HORMAD2: variants seen among roughly 807,000 people sequenced by gnomAD.
The protein encoded by HORMAD2 is HORMA domain-containing protein 2.
In HORMAD2, 45 loss-of-function variants were observed where a neutral mutation model predicts 38.8. That is an observed-to-expected ratio of 1.16 (90% CI 0.91 to 1.49). The LOEUF (loss-of-function observed/expected upper bound fraction) is 1.49, where lower values mean the gene tolerates loss of function less well. HORMAD2 is among the 40% of genes most tolerant of loss of function. The pLI is 0.00. For missense variants in HORMAD2, 338 were observed against 367.0 expected, an observed-to-expected ratio of 0.92 and a Z score of 0.65; for synonymous variants, 126 against 122.8, an observed-to-expected ratio of 1.03 and a Z score of -0.17.
chr22:30,081,513 G>C (rs909883662), intron 1 of HORMAD2, among the ~76,000 whole-genome samples: 2 of 152,150 alleles, frequency 1.3e-5, no homozygotes, highest in Non-Finnish European at 2.9e-5. Flanking sequence ...TCTGTTGGAA[G>C]GTCTAAGTAA....
chr22:30,191,904 C>A, the HORMAD2 span, among the ~76,000 whole-genome samples: 2 of 152,084 alleles, frequency 1.3e-5, no homozygotes, highest in Admixed American at 1.3e-4. Flanking sequence ...TTATATTAAG[C>A]AGATTGGTTT....
At chr22:30,087,733 AG>A (rs1569079062) in intron 1 of HORMAD2, among the ~76,000 whole-genome samples, 1 of 151,256 alleles carries the variant, frequency 6.6e-6, no homozygotes, top group East Asian at 1.9e-4. Context: ...AAAAAAAAAA[AG>A]GTTCTACACA....
chr22:30,166,693 A>G (rs1304379016), intron 10 of HORMAD2, among the ~76,000 whole-genome samples: 2 of 152,200 alleles, frequency 1.3e-5, no homozygotes, highest in East Asian at 1.9e-4. Context: ...GTATAAGACA[A>G]TTTGTTTACA....
At chr22:30,184,076 A>G in the HORMAD2 span, among the ~76,000 whole-genome samples, 2 of 152,340 alleles carry the variant, frequency 1.3e-5, no homozygotes, top group Middle Eastern at 3.4e-3. Flanking sequence ...TTCTGAAACC[A>G]CAAGGAATGC....
chr22:30,177,554 T>C (rs545404089), downstream of HORMAD2, among the ~76,000 whole-genome samples: 12 of 152,308 alleles, frequency 7.9e-5, no homozygotes, highest in South Asian at 4.1e-4. Flanking sequence ...ATTGGACTTA[T>C]ATCCTTGATA....
chr22:30,186,982 A>G, the HORMAD2 span, among the ~76,000 whole-genome samples: 3 of 152,126 alleles, frequency 2.0e-5, no homozygotes, highest in Non-Finnish European at 2.9e-5. Context: ...AGAATTTTCG[A>G]CACCCACCAA....
At chr22:30,093,770 C>G (rs2068733201) in intron 1 of HORMAD2, 146 bp from the exon 2 acceptor site, 2 of 461,104 alleles carry the variant, frequency 4.3e-6, no homozygotes, top group Non-Finnish European at 7.7e-6. Context: ...CTGAACTGAA[C>G]AATCTTGAAA....
At position 30,111,828 on chromosome 22, in the gene HORMAD2, C is replaced by G; in HGVS notation, c.315+12C>G. ...TGGCAGTACTGACAGTAAGTACACACTCATTTAAAGACCAAGCCTCTGTCT... is the reference window on the plus strand; with the variant it reads ...TGGCAGTACTGACAGTAAGTACACAGTCATTTAAAGACCAAGCCTCTGTCT... On this transcript the variant is annotated intron_variant, in intron 6 of 10. Coordinates refer to ENST00000336726, the MANE Select transcript of HORMAD2 (RefSeq NM_152510.4). 2.6e-6 allele frequency: 4 copies of G among 1,566,702 alleles called. No individual in the cohort carries two copies. Among genetic ancestry groups the G allele is most frequent in the Non-Finnish European group, 3.5e-6 (4 of 1,154,704 alleles).
intron 10 of HORMAD2, among the ~76,000 whole-genome samples, chr22:30,130,263 A>G (rs1381209909): frequency 6.6e-6 from 1 of 152,132 alleles, no homozygotes; most frequent in East Asian, 1.9e-4. Context: ...GTTTCTACTA[A>G]TGGTTGAAAT....
At chr22:30,103,573 A>AT (rs1440929538) in intron 4 of HORMAD2, 73 bp downstream of exon 4, 20 of 551,212 alleles carry the variant, frequency 3.6e-5, no homozygotes, top group Non-Finnish European at 4.1e-5. Context: ...ATAAGACTTT[A>AT]TTTAGTAAGA....
chr22:30,122,580 A>C (rs1428405032), intron 10 of HORMAD2, among the ~76,000 whole-genome samples: 2 of 152,202 alleles, frequency 1.3e-5, no homozygotes, highest in African/African-American at 2.4e-5. Flanking sequence ...AGTTCTTGAT[A>C]CTGAGATAAT....
At chr22:30,119,137 T>G in intron 8 of HORMAD2, 90 bp downstream of exon 8, 1 of 813,716 alleles carries the variant, frequency 1.2e-6, no homozygotes, top group Non-Finnish European at 2.0e-6. Flanking sequence ...CTTATACTTC[T>G]TTACACATTT....
intron 1 of HORMAD2, among the ~76,000 whole-genome samples, chr22:30,088,066 C>A (rs965377654): frequency 2.3e-5 from 2 of 86,942 alleles, no homozygotes; most frequent in African/African-American, 1.9e-4. Flanking sequence ...TATACATATA[C>A]ACACACGTAC....
At chr22:30,093,000 G>T (rs1324731648) in intron 1 of HORMAD2, among the ~76,000 whole-genome samples, 10 of 152,078 alleles carry the variant, frequency 6.6e-5, no homozygotes, top group African/African-American at 2.4e-4. Flanking sequence ...GGAATTTTAG[G>T]AGTTTTTTTC....
chr22:30,111,038 C>T (rs1325065889), intron 5 of HORMAD2, among the ~76,000 whole-genome samples: 1 of 151,466 alleles, frequency 6.6e-6, no homozygotes, highest in Non-Finnish European at 1.5e-5. Flanking sequence ...TGCGTGTAAT[C>T]CCAGCTACTC....
At position 30,176,157 on chromosome 22, in the gene HORMAD2, A is replaced by G. The variant is rs1926448511; in HGVS notation, c.914A>G (p.Asn305Ser). The G allele has an allele frequency of 6.3e-7, 1 of 1,598,962 alleles. No homozygotes were observed. Among genetic ancestry groups the G allele is most frequent in the African/African-American group, 1.3e-5 (1 of 74,696 alleles). ...GAACCAGTGAAGGTCTTCATCCCTAACAGAAAATGAAAGCTAAATATTCCT... is the reference window on the plus strand; with the variant it reads ...GAACCAGTGAAGGTCTTCATCCCTAGCAGAAAATGAAAGCTAAATATTCCT... ...VSEPVKVFIPNRK is the reference protein window; with the variant it reads ...VSEPVKVFIPSRK Residue 305 changes from asparagine (N) to serine (S), a missense_variant, in exon 11 of 11, where the codon AAC (asparagine) becomes AGC (serine). Coordinates refer to ENST00000336726, the MANE Select transcript of HORMAD2 (RefSeq NM_152510.4).
intron 10 of HORMAD2, among the ~76,000 whole-genome samples, chr22:30,174,050 G>A (rs1926279440): frequency 6.6e-6 from 1 of 151,968 alleles, no homozygotes; most frequent in African/African-American, 2.4e-5. Flanking sequence ...ATATCTTCAG[G>A]GCTTTTTTCA....
At chr22:30,134,492 G>GT (rs1923520574) in intron 10 of HORMAD2, among the ~76,000 whole-genome samples, 1 of 148,154 alleles carries the variant, frequency 6.7e-6, no homozygotes, top group South Asian at 2.1e-4. Context: ...ACACTAACAG[G>GT]TCTGCCAAAT....
chr22:30,134,479 T>C (rs945956753), intron 10 of HORMAD2, among the ~76,000 whole-genome samples: 2 of 148,694 alleles, frequency 1.3e-5, no homozygotes, highest in Admixed American at 6.7e-5. Context: ...ATATATACAA[T>C]TAACACTAAC....
Sources: allele counts gnomAD v4.1 joint callset (sites outside exome capture counted in the v4.1 genomes callset), GRCh38; gene constraint gnomAD v4.1.1; transcripts MANE v1.5; gene names NCBI Gene and HGNC (gene_info 2026-07-23, HGNC 2026-07-21).